The following TNS1 variants were observed in gnomAD, a reference collection of about 807,000 sequenced individuals.
The protein encoded by TNS1 is tensin 1.
Under a neutral mutation model 168.6 loss-of-function variants are expected in TNS1, and 62 were observed. That is an observed-to-expected ratio of 0.37 (90% confidence interval 0.30 to 0.45). TNS1 has a LOEUF of 0.45. Among genes scored for constraint, TNS1 ranks in the 20% least tolerant of loss-of-function variants. TNS1 has a pLI of 1.00. For synonymous variants in TNS1, 934 were observed against 933.2 expected (o/e 1.00, Z -0.02); for missense variants, 2,240 against 2,339.4 (o/e 0.96, Z 0.88).
rs75590850 is a variant in TNS1, at chr2:217,983,999, A to G, written c.149-5197T>C. Among the ~76,000 whole-genome samples the G allele has an allele frequency of 4.2e-3, 643 of 152,322 alleles. 3 individuals carry two copies. The highest frequency in any genetic ancestry group is 0.014 in the African/African-American group (589 of 41,572). ...TAAAGCACATGACCCTCCATAATTT[A>G]GGTGGGCCTCATCCAATCAGTTGAA... On this transcript the variant is annotated intron_variant, in intron 2 of 32. Coordinates refer to ENST00000682258, the MANE Select transcript of TNS1 (RefSeq NM_001387777.1).
At chr2:217,988,569 G>A (rs540773560) in intron 2 of TNS1, among the ~76,000 whole-genome samples, 3 of 152,322 alleles carry the variant, frequency 2.0e-5, no homozygotes, top group South Asian at 2.1e-4. Flanking sequence ...ATGCATCTTC[G>A]CAGGGCAGGG....
At chr2:217,987,995 T>C (rs1295800684) in intron 2 of TNS1, among the ~76,000 whole-genome samples, 1 of 152,082 alleles carries the variant, frequency 6.6e-6, no homozygotes, top group African/African-American at 2.4e-5. Flanking sequence ...AGCCCCAGCC[T>C]CCTCCCAGGC....
intron 11 of TNS1, 115 bp downstream of exon 11, chr2:217,892,833 C>T: frequency 8.2e-7 from 1 of 1,218,976 alleles, no homozygotes; most frequent in Non-Finnish European, 1.2e-6. Context: ...CATCGCTTCT[C>T]ATTCCCTCTG....
Position 217,886,075 on chromosome 2 carries a change from C to T in TNS1, c.1009G>A (p.Ala337Thr), listed in dbSNP as rs750083622. 6.2e-7 allele frequency: 1 copy of T among 1,613,890 alleles called. No individual in the cohort carries two copies. Among genetic ancestry groups the T allele is most frequent in the Non-Finnish European group, 8.5e-7 (1 of 1,179,988 alleles). The change falls in exon 14 of 33, where the codon GCC becomes ACC. Residue 337 changes from alanine (A) to threonine (T), a missense_variant. Physicochemically the swap from Ala to Thr is moderately conservative, Grantham distance 58. Transcript: ENST00000682258. The stretch of plus-strand genomic sequence containing the variant: ...CCAGATGTGTACACAGGTTGCATGG[C>T]CTGGTAGATGCGGAGAAATGGCCGA... ...GCRPFLRIYQ[A>T]MQPVYTSGIY...
chr2:217,980,537 A>C (rs1958022330), intron 2 of TNS1, among the ~76,000 whole-genome samples: 1 of 128,900 alleles, frequency 7.8e-6, no homozygotes, highest in Non-Finnish European at 1.7e-5. Flanking sequence ...AGAGAGAGAG[A>C]GAGAGAGAGG....
rs558326342 is a variant in TNS1, at chr2:217,942,826, C to G, written c.187-22590G>C. 1.6e-3 allele frequency among the ~76,000 whole-genome samples: 244 copies of G among 152,202 alleles called. 1 individual carries two copies. The highest frequency in any genetic ancestry group is 5.5e-3 in the African/African-American group (228 of 41,534). ...CCTCCCCACCCAGCACCCATCCTATCCCCCAACCCCATCCCCTCCCCTGCA... is the reference window on the plus strand; with the variant it reads ...CCTCCCCACCCAGCACCCATCCTATGCCCCAACCCCATCCCCTCCCCTGCA... On this transcript the variant is annotated intron_variant, in intron 3 of 32. Coordinates refer to ENST00000682258, the MANE Select transcript of TNS1 (RefSeq NM_001387777.1).
chr2:217,999,658 C>G (rs992614430), intron 1 of TNS1, among the ~76,000 whole-genome samples: 3 of 152,226 alleles, frequency 2.0e-5, no homozygotes, highest in South Asian at 4.1e-4. Flanking sequence ...ACAGGTCAAC[C>G]AAACTAGAGA....
chr2:217,859,406 C>G (rs772852887), intron 18 of TNS1: 84 of 516,824 alleles, frequency 1.6e-4, no homozygotes, highest in Non-Finnish European at 2.4e-4. Flanking sequence ...AGCCAGAACA[C>G]TTCCTTGGCT....
At chr2:217,964,871 C>A (rs1164210257) in intron 3 of TNS1, among the ~76,000 whole-genome samples, 2 of 152,214 alleles carry the variant, frequency 1.3e-5, no homozygotes, top group African/African-American at 2.4e-5. Flanking sequence ...GACACATACA[C>A]CCCTCTCCTC....
At chr2:217,894,001 C>T (rs1361701445) in intron 9 of TNS1, among the ~76,000 whole-genome samples, 3 of 152,130 alleles carry the variant, frequency 2.0e-5, no homozygotes, top group South Asian at 2.1e-4. Flanking sequence ...GCTCAGGCTG[C>T]GAGAGGAAAA....
intron 3 of TNS1, among the ~76,000 whole-genome samples, chr2:217,953,692 G>T (rs1310481099): frequency 6.6e-6 from 1 of 152,170 alleles, no homozygotes; most frequent in Non-Finnish European, 1.5e-5. Flanking sequence ...GACGCCCTGG[G>T]TCAGCTACAC....
chr2:217,806,256 T>A (rs1939049751), intron 32 of TNS1, among the ~76,000 whole-genome samples: 1 of 152,244 alleles, frequency 6.6e-6, no homozygotes, highest in South Asian at 2.1e-4. Flanking sequence ...AAGGAATAGA[T>A]CCAGGCAAGA....
At position 217,860,248 on chromosome 2, in the gene TNS1, G is replaced by A. The variant is rs182972852; in HGVS notation, c.1430-11161C>T. On this transcript the variant is annotated intron_variant, in intron 18 of 32. Transcript: ENST00000682258. ...CCATTTTCAGCACCCCTCTCTGGCTGCTGTTCTTTGAGGGTAAAGAAAGAA... is the reference window on the plus strand; with the variant it reads ...CCATTTTCAGCACCCCTCTCTGGCTACTGTTCTTTGAGGGTAAAGAAAGAA... 1.6e-3 allele frequency among the ~76,000 whole-genome samples: 246 copies of A among 152,316 alleles called. 1 individual carries two copies. The highest frequency in any genetic ancestry group is 2.7e-3 in the Non-Finnish European group (184 of 68,024).
chr2:217,912,080 C>T (rs147300904), intron 4 of TNS1, among the ~76,000 whole-genome samples: 1 of 152,220 alleles, frequency 6.6e-6, no homozygotes, highest in Non-Finnish European at 1.5e-5. Flanking sequence ...TCCACACATG[C>T]CTTTACCCTC....
intron 4 of TNS1, among the ~76,000 whole-genome samples, chr2:217,908,899 C>T (rs541572814): frequency 8.5e-5 from 13 of 152,234 alleles, no homozygotes; most frequent in South Asian, 8.3e-4. Context: ...ACTTGGAGTC[C>T]GAGGATGGCT....
In TNS1 at chr2:217,849,013, C is replaced by T. The variant is rs1458033171; in HGVS notation, c.1504G>A (p.Gly502Ser). 6 of 1,614,030 alleles carry T rather than the reference C, an allele frequency of 3.7e-6. No individual in the cohort carries two copies. Among genetic ancestry groups the T allele is most frequent in the South Asian group, 1.1e-5 (1 of 91,066 alleles). Residue 502 changes from glycine (G) to serine (S), a missense_variant, in exon 19 of 33, where the codon GGC (glycine) becomes AGC (serine). This residue lies in a region of TNS1 where 2,131 missense variants were observed against 2,171.2 expected (regional missense o/e 0.98). Coordinates refer to ENST00000682258, the MANE Select transcript of TNS1 (RefSeq NM_001387777.1). ...AKVKKKDSLHGSTGAVNATRP... is the reference protein window; with the variant it reads ...AKVKKKDSLHSSTGAVNATRP... ...GTGGCATTAACAGCCCCGGTGCTGC[C>T]GTGCAGGGAGTCTTTCTTCTTCACC... is the stretch of plus-strand genomic sequence containing the variant.
At chr2:217,961,562 C>T (rs374888450) in intron 3 of TNS1, among the ~76,000 whole-genome samples, 42 of 152,274 alleles carry the variant, frequency 2.8e-4, no homozygotes, top group African/African-American at 9.9e-4. Context: ...AACAATGCTT[C>T]TCCCATCTTA....
chr2:217,839,732 T>G (rs73992637), intron 19 of TNS1, among the ~76,000 whole-genome samples: 8 of 152,100 alleles, frequency 5.3e-5, no homozygotes, highest in Admixed American at 2.6e-4. Flanking sequence ...CCCCCCAGAC[T>G]GGCCACTGCC....
At chr2:217,945,047 G>A (rs1418402435) in intron 3 of TNS1, among the ~76,000 whole-genome samples, 2 of 152,190 alleles carry the variant, frequency 1.3e-5, no homozygotes, top group Non-Finnish European at 2.9e-5. Context: ...TGACCTCGGA[G>A]CACAGAGGTG....
Sources: allele counts gnomAD v4.1 joint callset (sites outside exome capture counted in the v4.1 genomes callset), GRCh38; gene constraint gnomAD v4.1.1; regional missense constraint gnomAD v4.1.1; transcripts MANE v1.5; gene names NCBI Gene and HGNC (gene_info 2026-07-23, HGNC 2026-07-21).